ALK: variants seen among roughly 807,000 people sequenced by gnomAD.
ALK encodes ALK tyrosine kinase receptor.
ALK carries 74 observed loss-of-function variants against 163.1 expected under a neutral mutation model. That is an observed-to-expected ratio of 0.45 (90% confidence interval 0.38 to 0.55). The LOEUF (loss-of-function observed/expected upper bound fraction) is 0.55. Ranked by LOEUF, ALK falls within the 20% of genes least tolerant of loss-of-function variation. The pLI is 0.00. For synonymous variants in ALK, 960 were observed against 843.2 expected, an observed-to-expected ratio of 1.14 and a Z score of -2.40; for missense variants, 2,063 against 2,105.3, an observed-to-expected ratio of 0.98 and a Z score of 0.39.
intron 3 of ALK, among the ~76,000 whole-genome samples, chr2:29,562,407 T>C (rs1674050258): frequency 6.6e-6 from 1 of 152,228 alleles, no homozygotes; most frequent in African/African-American, 2.4e-5. Flanking sequence ...ATCTGTTCAC[T>C]GCATGGCCTC....
intron 4 of ALK, among the ~76,000 whole-genome samples, chr2:29,471,008 T>A (rs1671334630): frequency 6.6e-6 from 1 of 152,166 alleles, no homozygotes; most frequent in South Asian, 2.1e-4. Flanking sequence ...AGATATACTC[T>A]AATGGTCACT....
intron 4 of ALK, among the ~76,000 whole-genome samples, chr2:29,468,416 A>G (rs12476674): frequency 0.15 from 22,993 of 152,134 alleles, 1,941 homozygotes; most frequent in East Asian, 0.34. Flanking sequence ...GAGATTAATA[A>G]ATATATTTTA....
At chr2:29,232,545 G>C in intron 14 of ALK, 97 bp from the exon 15 acceptor site, 1 of 1,536,008 alleles carries the variant, frequency 6.5e-7, no homozygotes, top group Non-Finnish European at 8.9e-7. Flanking sequence ...AGGGTTTGCT[G>C]TTTTGGGGTG....
chr2:29,560,255 A>C (rs1209515718), intron 3 of ALK, among the ~76,000 whole-genome samples: 1 of 152,212 alleles, frequency 6.6e-6, no homozygotes, highest in Non-Finnish European at 1.5e-5. Flanking sequence ...ATGCAATGGA[A>C]TATTATTCAA....
chr2:29,501,974 T>C (rs1672199847), intron 4 of ALK, among the ~76,000 whole-genome samples: 1 of 152,254 alleles, frequency 6.6e-6, no homozygotes, highest in African/African-American at 2.4e-5. Flanking sequence ...TCTTCAAGGT[T>C]CACACACATT....
chr2:29,205,210 C>T lies in ALK; in HGVS notation c.3938+1961G>A, dbSNP rs75688891. On this transcript the variant is annotated intron_variant, in intron 26 of 28. Coordinates refer to ENST00000389048, the MANE Select transcript of ALK (RefSeq NM_004304.5). Reference sequence around the variant, plus strand: ...TTAGAAAGTTTTCCTAAACTTTCTACATGTTTCTTCAAGTTCCTTTTTATA... The same window carrying T: ...TTAGAAAGTTTTCCTAAACTTTCTATATGTTTCTTCAAGTTCCTTTTTATA... Among the ~76,000 whole-genome samples, 659 of 152,282 alleles carry T rather than the reference C, an allele frequency of 4.3e-3. 8 individuals carry two copies. The highest frequency in any genetic ancestry group is 0.015 in the African/African-American group (607 of 41,564).
rs2148143330 is a variant in ALK, at chr2:29,197,582, C to T, written c.4033G>A (p.Gly1345Arg). The change falls in exon 27 of 29, where the codon GGA becomes AGA. Residue 1345 changes from glycine (G) to arginine (R), a missense_variant. Physicochemically the swap from Gly to Arg is moderately radical, Grantham distance 125. Around this residue, in one of 5 missense-constraint regions of ALK, gnomAD observed 403 missense variants for 366.2 expected, o/e 1.10. Coordinates refer to ENST00000389048, the MANE Select transcript of ALK (RefSeq NM_004304.5). ...TTCTTGGGTGGGTCCATCCGGCCTC[C>T]ACTGGTGACAAACTCCAGAACTTCC... ...NQEVLEFVTS[G>R]GRMDPPKNCP... The T allele has an allele frequency of 1.9e-6, 3 of 1,613,830 alleles. No homozygotes were observed. Among genetic ancestry groups the T allele is most frequent in the Non-Finnish European group, 2.5e-6 (3 of 1,180,024 alleles).
At chr2:29,482,766 C>A (rs566362631) in intron 4 of ALK, among the ~76,000 whole-genome samples, 1 of 135,722 alleles carries the variant, frequency 7.4e-6, no homozygotes, top group East Asian at 2.2e-4. Context: ...ACAACAACAA[C>A]AAAAACTGAG....
At chr2:29,620,533 A>G (rs1425426718) in intron 3 of ALK, among the ~76,000 whole-genome samples, 1 of 151,748 alleles carries the variant, frequency 6.6e-6, no homozygotes, top group Non-Finnish European at 1.5e-5. Context: ...AATTTAACCT[A>G]TAACGGAGCT....
At position 29,846,538 on chromosome 2, in the gene ALK, C is replaced by G. The variant is rs1409486481; in HGVS notation, c.667+73455G>C. On this transcript the variant is annotated intron_variant, in intron 1 of 28. Transcript: ENST00000389048. ...AACATTTCTTGAGTGAATGAATGCT[C>G]TCAATGAGTTCTTGCTTATAACTTT... Among the ~76,000 whole-genome samples the G allele has an allele frequency of 3.3e-5, 5 of 152,328 alleles. No individual in the cohort carries two copies. In the South Asian group the frequency reaches 1.0e-3, roughly 32 times the overall value.
intron 2 of ALK, among the ~76,000 whole-genome samples, chr2:29,706,920 A>G (rs113371383): frequency 0.02 from 3,011 of 151,208 alleles, 68 homozygotes; most frequent in African/African-American, 0.059. Context: ...CAGAACCCAG[A>G]TTGGACTTCC....
At chr2:29,326,823 C>T (rs1667278276) in intron 6 of ALK, among the ~76,000 whole-genome samples, 2 of 152,142 alleles carry the variant, frequency 1.3e-5, no homozygotes, top group South Asian at 4.1e-4. Context: ...TGACTGGGGG[C>T]AGAGGGCCCT....
intron 1 of ALK, among the ~76,000 whole-genome samples, chr2:29,739,490 A>AAG (rs879941248): frequency 0.063 from 9,578 of 150,982 alleles, 865 homozygotes; most frequent in African/African-American, 0.2. Context: ...CCCGGGAGGC[A>AAG]GAGATTGCAG....
chr2:29,679,188 GTTAA>G (rs1213643608), intron 3 of ALK, among the ~76,000 whole-genome samples: 2 of 151,604 alleles, frequency 1.3e-5, no homozygotes, highest in South Asian at 4.2e-4. Context: ...CTTTCTTTTG[GTTAA>G]TTGTTTGTGT....
At chr2:29,882,557 G>T (rs1457459258) in intron 1 of ALK, among the ~76,000 whole-genome samples, 1 of 152,152 alleles carries the variant, frequency 6.6e-6, no homozygotes, top group Admixed American at 6.5e-5. Flanking sequence ...AGCTGGGTGT[G>T]GTGGTGCGCA....
intron 4 of ALK, among the ~76,000 whole-genome samples, chr2:29,512,582 T>A (rs1401565793): frequency 6.8e-6 from 1 of 147,388 alleles, no homozygotes; most frequent in Non-Finnish European, 1.5e-5. Flanking sequence ...CTTTGAAAAC[T>A]GGCACAAGAC....
At chr2:29,575,127 TA>T (rs1277507634) in intron 3 of ALK, among the ~76,000 whole-genome samples, 3 of 152,132 alleles carry the variant, frequency 2.0e-5, no homozygotes, top group African/African-American at 7.2e-5. Flanking sequence ...GTGGCCTCTC[TA>T]GGTGAAAATT....
intron 1 of ALK, among the ~76,000 whole-genome samples, chr2:29,789,240 A>G (rs1385007302): frequency 2.6e-5 from 4 of 152,142 alleles, no homozygotes; most frequent in Admixed American, 2.6e-4. Flanking sequence ...TTTTTTACAG[A>G]GCAAATGCTG....
chr2:29,724,439 T>C (rs1679510217), intron 1 of ALK, among the ~76,000 whole-genome samples: 1 of 152,128 alleles, frequency 6.6e-6, no homozygotes, highest in South Asian at 2.1e-4. Flanking sequence ...GGCAGGCCTG[T>C]TTTTGGGACT....
Sources: allele counts gnomAD v4.1 joint callset (sites outside exome capture counted in the v4.1 genomes callset), GRCh38; gene constraint gnomAD v4.1.1; regional missense constraint gnomAD v4.1.1; transcripts MANE v1.5; gene names NCBI Gene and HGNC (gene_info 2026-07-23, HGNC 2026-07-21).